Variants in SULF2 observed in about 807,000 individuals in gnomAD.
The protein encoded by SULF2 is extracellular sulfatase Sulf-2.
A neutral mutation model predicts 107.7 loss-of-function variants in SULF2; 52 were observed. The observed-to-expected ratio is 0.48, with a 90% CI of 0.39 to 0.61. The LOEUF (loss-of-function observed/expected upper bound fraction) is 0.61, where lower values mean the gene tolerates loss of function less well. SULF2 is among the 20% of genes least tolerant of loss of function. The pLI is 0.00. For missense variants in SULF2, 993 were observed against 1,177.3 expected (o/e 0.84, Z 2.29); for synonymous variants, 460 against 464.3 (o/e 0.99, Z 0.12).
At chr20:47,725,144 C>T (rs377518514) in intron 3 of SULF2, among the ~76,000 whole-genome samples, 100 of 152,242 alleles carry the variant, frequency 6.6e-4, no homozygotes, top group Middle Eastern at 3.4e-3. Context: ...GGTGGGCGGG[C>T]GACATTTGCC....
intron 3 of SULF2, among the ~76,000 whole-genome samples, chr20:47,723,729 T>C (rs1268386741): frequency 2.0e-5 from 3 of 152,184 alleles, no homozygotes; most frequent in South Asian, 2.1e-4. Flanking sequence ...CTGTCTCCCA[T>C]TGCCCCCGGG....
chr20:47,714,518 T>G (rs1183268534), intron 3 of SULF2, among the ~76,000 whole-genome samples: 1 of 152,148 alleles, frequency 6.6e-6, no homozygotes, highest in Non-Finnish European at 1.5e-5. Flanking sequence ...CCACTGCCTC[T>G]GCCTGGACCT....
At chr20:47,711,483 C>G (rs985513105) in intron 3 of SULF2, among the ~76,000 whole-genome samples, 2 of 152,186 alleles carry the variant, frequency 1.3e-5, no homozygotes, top group African/African-American at 4.8e-5. Flanking sequence ...CAGAAAGCAC[C>G]CGCTGCTTTC....
chr20:47,707,412 T>C (rs6090718), intron 3 of SULF2, among the ~76,000 whole-genome samples: 3,545 of 152,304 alleles, frequency 0.023, 144 homozygotes, highest in African/African-American at 0.082. Flanking sequence ...CAAGTTCATC[T>C]AATCACGTGC....
chr20:47,752,583 A>C (rs1345783699), intron 2 of SULF2, among the ~76,000 whole-genome samples: 8 of 122,240 alleles, frequency 6.5e-5, no homozygotes, highest in South Asian at 2.6e-4. Flanking sequence ...AAAAAAAAAA[A>C]CCCCAAAAAC....
intron 4 of SULF2, among the ~76,000 whole-genome samples, chr20:47,693,766 A>G (rs2088281587): frequency 6.6e-6 from 1 of 152,262 alleles, no homozygotes; most frequent in Non-Finnish European, 1.5e-5. Context: ...GGGAGGGCTC[A>G]GGCCGGGGCA....
chr20:47,784,494 G>A (rs374080010), intron 1 of SULF2, among the ~76,000 whole-genome samples: 62 of 151,908 alleles, frequency 4.1e-4, no homozygotes, highest in African/African-American at 1.4e-3. Context: ...GTTGCGGACC[G>A]AGGCCAGTGT....
intron 6 of SULF2, 137 bp downstream of exon 6, chr20:47,684,294 C>G: frequency 1.1e-6 from 1 of 926,718 alleles, no homozygotes; most frequent in East Asian, 2.8e-5. Context: ...TTCCCCAGGT[C>G]TAGCACATGG....
intron 3 of SULF2, among the ~76,000 whole-genome samples, chr20:47,715,546 G>GGCCT (rs1035736631): frequency 8.6e-5 from 13 of 151,716 alleles, no homozygotes; most frequent in Non-Finnish European, 1.9e-4. Context: ...CGTAATGGGA[G>GGCCT]GCCTGTGGGA....
rs753016840 is a variant in SULF2, at chr20:47,665,230, G to T, written c.1966C>A (p.Arg656=). The change falls in exon 14 of 21, where the codon CGG becomes AGG. Residue 656 remains arginine (R), a synonymous_variant. Transcript: ENST00000688720. The stretch of plus-strand genomic sequence containing the variant: ...TTGTGACAGTCACATTCTTCTGGCC[G>T]CTTTTTCTTCAGGTGACCTCGGACT... ...REVRGHLKKK[R]PEECDCHKIS... is the part of the protein sequence containing the mutation. The T allele has an allele frequency of 6.2e-7, 1 of 1,614,012 alleles. No homozygotes were observed. Among genetic ancestry groups the T allele is most frequent in the East Asian group, 2.2e-5 (1 of 44,886 alleles).
chr20:47,745,388 AAAAAAAAAAAAAAAAAAAAAAAATAT>A (rs1305041839), intron 2 of SULF2, among the ~76,000 whole-genome samples: 1 of 8,870 alleles, frequency 1.1e-4, no homozygotes, highest in Non-Finnish European at 1.6e-4. Flanking sequence ...GAGGGAAAAA[AAAAAAAAAAAAAAAAAAAAAAAATAT>A]ATATATATAT....
At chr20:47,730,297 C>T (rs893559192) in intron 3 of SULF2, among the ~76,000 whole-genome samples, 5 of 152,160 alleles carry the variant, frequency 3.3e-5, no homozygotes, top group Admixed American at 6.5e-5. Flanking sequence ...ACCATCTCTG[C>T]GAAAGTCTGG....
intron 1 of SULF2, among the ~76,000 whole-genome samples, chr20:47,758,330 C>T (rs754828375): frequency 5.3e-5 from 8 of 151,976 alleles, no homozygotes; most frequent in South Asian, 2.1e-4. Flanking sequence ...CCACCACGCC[C>T]GGCTAATTTT....
chr20:47,723,554 C>T (rs541868055), intron 3 of SULF2, among the ~76,000 whole-genome samples: 2 of 152,322 alleles, frequency 1.3e-5, no homozygotes, highest in Non-Finnish European at 2.9e-5. Context: ...CAAACTTCAT[C>T]TGTATTTACA....
At chr20:47,665,787 C>T (rs2087244649) in intron 13 of SULF2, 70 bp downstream of exon 13, 8 of 1,338,160 alleles carry the variant, frequency 6.0e-6, no homozygotes, top group African/African-American at 2.9e-5. Context: ...ACTGCCCTCC[C>T]ACTGTGAACC....
rs369273074 is a variant in SULF2, at chr20:47,736,686, C to T, written c.415+17G>A. The T allele has an allele frequency of 1.6e-4, 251 of 1,613,832 alleles. No individual in the cohort carries two copies. Among genetic ancestry groups the T allele is most frequent in the Non-Finnish European group, 2.0e-4 (235 of 1,179,926 alleles). Reference sequence around the variant, plus strand: ...GGCTGTCACTCCCTTCCTGCACCTGCCCCCGTCCCTGCTCACCTGTCCGGT... The same window carrying T: ...GGCTGTCACTCCCTTCCTGCACCTGTCCCCGTCCCTGCTCACCTGTCCGGT... On this transcript the variant is annotated intron_variant, in intron 3 of 20. Transcript: ENST00000688720.
chr20:47,765,645 A>C (rs868600236), intron 1 of SULF2, among the ~76,000 whole-genome samples: 3 of 152,152 alleles, frequency 2.0e-5, no homozygotes, highest in Admixed American at 2.0e-4. Flanking sequence ...AGGGCCTGCT[A>C]TATGTGAGGC....
At chr20:47,759,607 G>A (rs1422370967) in intron 1 of SULF2, among the ~76,000 whole-genome samples, 2 of 152,168 alleles carry the variant, frequency 1.3e-5, no homozygotes, top group Admixed American at 6.5e-5. Flanking sequence ...CAGGAGAATC[G>A]CTTGAACCTG....
At chr20:47,722,578 T>G (rs2089323855) in intron 3 of SULF2, among the ~76,000 whole-genome samples, 1 of 152,082 alleles carries the variant, frequency 6.6e-6, no homozygotes, top group African/African-American at 2.4e-5. Context: ...AAATCTTTAC[T>G]GAGTACCCAA....
Sources: gnomAD v4.1 joint callset for allele counts (sites outside exome capture counted in the v4.1 genomes callset) on GRCh38, gnomAD v4.1.1 for gene constraint, MANE v1.5 for transcripts, NCBI Gene and HGNC (gene_info 2026-07-23, HGNC 2026-07-21) for gene names.